The following LAMB3 variants were observed in gnomAD, a reference collection of about 807,000 sequenced individuals.
The protein encoded by LAMB3 is laminin subunit beta-3.
Under a neutral mutation model 140.3 loss-of-function variants are expected in LAMB3, and 104 were observed. The observed-to-expected ratio is 0.74, with a 90% CI of 0.63 to 0.87. LAMB3 has a LOEUF of 0.87. Among genes scored for constraint, LAMB3 ranks in the 40% least tolerant of loss-of-function variants. LAMB3 has a pLI of 0.00. For synonymous variants in LAMB3, 592 were observed against 602.9 expected (o/e 0.98, Z 0.26); for missense variants, 1,531 against 1,575.2 (o/e 0.97, Z 0.47).
chr1:209,649,761 C>G (rs555550345), intron 3 of LAMB3, among the ~76,000 whole-genome samples: 2 of 152,232 alleles, frequency 1.3e-5, no homozygotes, highest in Non-Finnish European at 2.9e-5. Flanking sequence ...TTAGTTAATT[C>G]TGAGTACATT....
chr1:209,619,535 T>A (rs992471024), intron 18 of LAMB3, among the ~76,000 whole-genome samples: 2 of 152,214 alleles, frequency 1.3e-5, no homozygotes. Context: ...GAAAAAGGAA[T>A]ATCAATCCCC....
At chr1:209,635,649 C>T (rs988130931) in intron 5 of LAMB3, among the ~76,000 whole-genome samples, 5 of 152,036 alleles carry the variant, frequency 3.3e-5, no homozygotes, top group Admixed American at 1.3e-4. Context: ...GTGATCCACC[C>T]GCCTCGGCCT....
chr1:209,625,635 G>C lies in LAMB3; in HGVS notation c.1976+13C>G. The C allele has an allele frequency of 6.2e-7, 1 of 1,614,100 alleles. No individual in the cohort carries two copies. Among genetic ancestry groups the C allele is most frequent in the Non-Finnish European group, 8.5e-7 (1 of 1,180,002 alleles). ...ATAATTCTTGCAAATGCTTGGCAGGGAAAGGGAATTACCTGAGGGAGAGGA... is the reference window on the plus strand; with the variant it reads ...ATAATTCTTGCAAATGCTTGGCAGGCAAAGGGAATTACCTGAGGGAGAGGA... On this transcript the variant is annotated intron_variant, in intron 14 of 22. Coordinates refer to ENST00000356082, the MANE Select transcript of LAMB3 (RefSeq NM_000228.3).
intron 14 of LAMB3, among the ~76,000 whole-genome samples, chr1:209,625,014 G>A (rs1014030994): frequency 3.9e-5 from 6 of 152,132 alleles, no homozygotes; most frequent in Admixed American, 1.3e-4. Context: ...TTCAATATTC[G>A]CTTGAGTTCC....
rs1202015947 is a variant in LAMB3, at chr1:209,625,833, C to T, written c.1791G>A (p.Leu597=). 1.9e-6 allele frequency: 3 copies of T among 1,614,012 alleles called. No homozygotes were observed. The highest frequency in any genetic ancestry group is 2.2e-5 in the East Asian group (1 of 44,890). ...TYDADLREQA[L]RFGRLRNATA... is the part of the protein sequence containing the mutation. ...TGGCATTGCGGAGTCTACCAAAGCG[C>T]AGGGCCTGCTCCCGGAGGTCCGCAT... The change falls in exon 14 of 23, where the codon CTG becomes CTA. Residue 597 remains leucine, a synonymous_variant. Coordinates refer to ENST00000356082, the MANE Select transcript of LAMB3 (RefSeq NM_000228.3).
At chr1:209,621,041 C>T (rs986678693) in intron 18 of LAMB3, among the ~76,000 whole-genome samples, 1 of 152,186 alleles carries the variant, frequency 6.6e-6, no homozygotes, top group South Asian at 2.1e-4. Context: ...ACCCTGGACT[C>T]ATCATAAGAC....
intron 3 of LAMB3, among the ~76,000 whole-genome samples, chr1:209,643,214 C>A (rs1463285078): frequency 6.6e-6 from 1 of 152,218 alleles, no homozygotes; most frequent in Non-Finnish European, 1.5e-5. Context: ...TCCCTTTCTG[C>A]TTTATTCTTG....
chr1:209,617,823 T>C (rs1666030459), intron 20 of LAMB3, 84 bp downstream of exon 20: 2 of 1,554,400 alleles, frequency 1.3e-6, no homozygotes, highest in African/African-American at 2.7e-5. Context: ...TTTTATCTAG[T>C]CACTTTCTGG....
At chr1:209,638,278 C>T (rs982491961) in intron 4 of LAMB3, among the ~76,000 whole-genome samples, 1 of 152,184 alleles carries the variant, frequency 6.6e-6, no homozygotes, top group Admixed American at 6.5e-5. Flanking sequence ...TCTGCAAGCC[C>T]ACCCACTGAG....
Position 209,632,752 on chromosome 1 carries a change from C to G in LAMB3, c.653G>C (p.Arg218Thr), listed in dbSNP as rs770902074. ...AGGGGCCAGCCTGGTGAAATTGACT[C>G]TCAAGTTTGTGATCTCCCCCACCTC... ...IQEVGEITNL[R>T]VNFTRLAPVP... The change falls in exon 8 of 23, where the codon AGA (arginine) becomes ACA (threonine). Residue 218 changes from arginine (R) to threonine (T), a missense_variant. By Grantham distance (71) the Arg-to-Thr change is moderately conservative (BLOSUM62 -1). Transcript: ENST00000356082. The G allele has an allele frequency of 6.2e-7, 1 of 1,614,214 alleles. No homozygotes were observed. The highest frequency in any genetic ancestry group is 8.5e-7 in the Non-Finnish European group (1 of 1,180,040).
chr1:209,639,994 C>G (rs1373943150), intron 3 of LAMB3, among the ~76,000 whole-genome samples: 5 of 152,216 alleles, frequency 3.3e-5, no homozygotes, highest in Admixed American at 1.3e-4. Context: ...TAGAACCTCC[C>G]TGCCCAACAC....
At position 209,638,786 on chromosome 1, in the gene LAMB3, G is replaced by A. The variant is rs969259521; in HGVS notation, c.184-138C>T. The A allele has an allele frequency of 2.2e-5, 15 of 691,142 alleles. No homozygotes were observed. The East Asian group carries it at 3.3e-4, about 15-fold the overall frequency. The allele number at this position is 691,142 out of a possible 1,614,324, so 42.8% of individuals were successfully genotyped here. On this transcript the variant is annotated intron_variant, in intron 3 of 22. Coordinates refer to ENST00000356082, the MANE Select transcript of LAMB3 (RefSeq NM_000228.3). The stretch of plus-strand genomic sequence containing the variant: ...CTAATTTTATTAATACAATTTGAAG[G>A]GTTAATCTCTTAAAACACAGCTATT...
rs778460718 is a variant in LAMB3 at position 209,624,017 on chromosome 1, GC to G, written c.1977-18del. 8.1e-6 allele frequency: 13 copies of G among 1,609,098 alleles called. No individual in the cohort carries two copies. The highest frequency in any genetic ancestry group is 9.3e-6 in the Non-Finnish European group (11 of 1,179,370). ...AGAGTTCGCCTGAGAAGGGAGAGGA[GC>G]TTACACTAAAATATAGGAGGGAGTT... On this transcript the variant is annotated intron_variant, in intron 14 of 22. Transcript: ENST00000356082.
chr1:209,618,295 T>C (rs1023741668), intron 19 of LAMB3, among the ~76,000 whole-genome samples, 157 bp downstream of exon 19: 1 of 152,168 alleles, frequency 6.6e-6, no homozygotes, highest in African/African-American at 2.4e-5. Flanking sequence ...GCAAATTAAG[T>C]TTAACCTGCA....
intron 3 of LAMB3, among the ~76,000 whole-genome samples, chr1:209,643,185 TC>T (rs1389310103): frequency 2.6e-5 from 4 of 152,240 alleles, no homozygotes; most frequent in African/African-American, 9.6e-5. Flanking sequence ...AATTTATCCT[TC>T]CCCTCTGGGT....
intron 3 of LAMB3, among the ~76,000 whole-genome samples, chr1:209,644,260 T>C (rs1401346639): frequency 1.3e-5 from 2 of 152,228 alleles, no homozygotes; most frequent in Non-Finnish European, 2.9e-5. Flanking sequence ...TATCACGAAG[T>C]GAAATTTTGA....
rs1423481045 is a variant in LAMB3, at chr1:209,623,729, T to C, written c.2138-4A>G. Reference sequence around the variant, plus strand: ...GTGCTCAGCATCCGGAAGGCTCCTGTGGCGAGAAGCATGAGGAATGGAGAT... The same window carrying C: ...GTGCTCAGCATCCGGAAGGCTCCTGCGGCGAGAAGCATGAGGAATGGAGAT... On this transcript the variant is annotated splice_region_variant and splice_polypyrimidine_tract_variant and intron_variant, in intron 15 of 22. Transcript: ENST00000356082. This position sits in a 1 kb window ranked among gnomAD's most constrained non-coding sequence, Gnocchi z 4.2. 6.2e-7 allele frequency: 1 copy of C among 1,613,922 alleles called. No individual in the cohort carries two copies. Among genetic ancestry groups the C allele is most frequent in the African/African-American group, 1.3e-5 (1 of 75,050 alleles).
intron 3 of LAMB3, among the ~76,000 whole-genome samples, chr1:209,647,799 C>T (rs1259776943): frequency 2.6e-5 from 4 of 152,188 alleles, no homozygotes; most frequent in Non-Finnish European, 5.9e-5. Flanking sequence ...ACCAAACCCT[C>T]CCAATAGCTC....
At chr1:209,627,780 C>T (rs1028382017) in intron 11 of LAMB3, among the ~76,000 whole-genome samples, 3 of 152,236 alleles carry the variant, frequency 2.0e-5, no homozygotes, top group East Asian at 1.9e-4. Flanking sequence ...GCCTGCCCAC[C>T]CTCCATCTGG....
Sources: gnomAD v4.1 joint callset for allele counts (sites outside exome capture counted in the v4.1 genomes callset) on GRCh38, gnomAD v4.1.1 for gene constraint, Gnocchi (gnomAD v3.1) non-coding constraint, MANE v1.5 for transcripts, NCBI Gene and HGNC (gene_info 2026-07-23, HGNC 2026-07-21) for gene names.